The following SMURF2 variants were observed in gnomAD, a reference collection of about 807,000 sequenced individuals.
SMURF2 encodes the protein E3 ubiquitin-protein ligase SMURF2.
A neutral mutation model predicts 109.6 loss-of-function variants in SMURF2; 48 were observed. The observed-to-expected ratio is 0.44, with a 90% confidence interval of 0.35 to 0.56. The LOEUF (loss-of-function observed/expected upper bound fraction) is 0.56, where lower values mean the gene tolerates loss of function less well. Ranked by LOEUF, SMURF2 falls within the 20% of genes least tolerant of loss-of-function variation. The probability of loss-of-function intolerance (pLI) is 0.01; values close to 1 mark genes in which losing one functional copy is unlikely to be tolerated. For synonymous variants in SMURF2, 288 were observed against 317.1 expected, an observed-to-expected ratio of 0.91 and a Z score of 0.97; for missense variants, 575 against 909.0, an observed-to-expected ratio of 0.63 and a Z score of 4.72.
chr17:64,551,467 A>G, intron 16 of SMURF2, 117 bp downstream of exon 16: 3 of 1,163,164 alleles, frequency 2.6e-6, no homozygotes, highest in African/African-American at 1.5e-5. Context: ...ATTCTCAAGC[A>G]TAGAACCATG....
intron 12 of SMURF2, among the ~76,000 whole-genome samples, chr17:64,559,810 C>T (rs1268540355): frequency 2.0e-5 from 3 of 150,792 alleles, no homozygotes; most frequent in Non-Finnish European, 3.0e-5. Flanking sequence ...TGCAGTAGCA[C>T]GATCTCGGCT....
rs1555683918 is a variant in SMURF2 at position 64,554,966 on chromosome 17, G to A, written c.1638C>T (p.Asp546=). ...CATTATGTTCAACACAGAAGGTATG[G>A]TCCAAAACACCTGTAATATCATTCT... ...ILENDITGVL[D]HTFCVEHNAY... Residue 546 remains aspartate (D), a synonymous_variant, in exon 15 of 19, where the codon GAC becomes GAT. Coordinates refer to ENST00000262435, the MANE Select transcript of SMURF2 (RefSeq NM_022739.4). 3.1e-6 allele frequency: 5 copies of A among 1,613,426 alleles called. No homozygotes were observed. Among genetic ancestry groups the A allele is most frequent in the Non-Finnish European group, 4.2e-6 (5 of 1,179,750 alleles).
At chr17:64,642,728 C>T (rs1414389291) in intron 1 of SMURF2, among the ~76,000 whole-genome samples, 18 of 152,112 alleles carry the variant, frequency 1.2e-4, no homozygotes, top group Non-Finnish European at 1.5e-5. Context: ...GAGTCTATAG[C>T]TATAAAGAAG....
intron 1 of SMURF2, among the ~76,000 whole-genome samples, chr17:64,620,431 T>C (rs11867185): frequency 9.2e-5 from 14 of 152,326 alleles, no homozygotes; most frequent in African/African-American, 2.9e-4. Flanking sequence ...ACTCAAGCAG[T>C]GTCAATGATT....
At chr17:64,599,710 T>C (rs1969867183) in intron 2 of SMURF2, among the ~76,000 whole-genome samples, 1 of 152,208 alleles carries the variant, frequency 6.6e-6, no homozygotes, top group African/African-American at 2.4e-5. Context: ...TCTGATGATC[T>C]GAGATGGAAC....
intron 1 of SMURF2, among the ~76,000 whole-genome samples, chr17:64,612,451 T>C (rs1286973864): frequency 1.3e-5 from 2 of 151,530 alleles, no homozygotes; most frequent in Non-Finnish European, 2.9e-5. Flanking sequence ...GCAGATCACT[T>C]GAGGCCAGGA....
intron 1 of SMURF2, among the ~76,000 whole-genome samples, chr17:64,616,849 G>A (rs1410639712): frequency 6.6e-6 from 1 of 151,296 alleles, no homozygotes; most frequent in African/African-American, 2.4e-5. Flanking sequence ...CGGGCTGATG[G>A]TTTGAGCCTA....
intron 1 of SMURF2, among the ~76,000 whole-genome samples, chr17:64,628,675 G>A (rs1405729486): frequency 6.6e-6 from 1 of 152,100 alleles, no homozygotes; most frequent in Admixed American, 6.6e-5. Context: ...CTAACACTAA[G>A]ACAACCAATG....
rs1206493906 is a variant in SMURF2 at position 64,545,069 on chromosome 17, T to G, written c.*779A>C. The G allele has an allele frequency of 6.7e-6, 1 of 150,006 alleles. No individual in the cohort carries two copies. Among genetic ancestry groups the G allele is most frequent in the Non-Finnish European group, 1.5e-5 (1 of 67,116 alleles). The allele number at this position is 150,006 out of a possible 1,614,324, so 9.3% of individuals were successfully genotyped here. ...TTGACTCAAGATAAAAACATTAGGT[T>G]TTTTTTTTTTTAAAAGAGTCTCTTA... On this transcript the variant is annotated 3_prime_UTR_variant, in exon 19 of 19. Coordinates refer to ENST00000262435, the MANE Select transcript of SMURF2 (RefSeq NM_022739.4).
intron 1 of SMURF2, among the ~76,000 whole-genome samples, chr17:64,619,199 C>T (rs577871770): frequency 1.3e-5 from 2 of 152,128 alleles, no homozygotes; most frequent in South Asian, 4.2e-4. Context: ...AAGAACATGG[C>T]CGGGCACGGT....
chr17:64,564,853 T>C (rs1271248325), intron 10 of SMURF2, among the ~76,000 whole-genome samples: 1 of 152,164 alleles, frequency 6.6e-6, no homozygotes, highest in Non-Finnish European at 1.5e-5. Flanking sequence ...TTTTAAGCCA[T>C]CCAGTTCGTG....
chr17:64,551,525 A>G lies in SMURF2; in HGVS notation c.1869+59T>C, dbSNP rs1316331234. On this transcript the variant is annotated intron_variant, in intron 16 of 18. Transcript: ENST00000262435. Reference sequence around the variant, plus strand: ...ATGCTTTCCTCTAAAACTAAGTAACAAAATAATTCCCAATCCTTCCTTGTT... The same window carrying G: ...ATGCTTTCCTCTAAAACTAAGTAACGAAATAATTCCCAATCCTTCCTTGTT... 1.7e-5 allele frequency: 27 copies of G among 1,571,788 alleles called. 1 individual carries two copies. In the East Asian group the frequency reaches 6.1e-4, roughly 36 times the overall value.
At chr17:64,563,027 G>C in intron 10 of SMURF2, 61 bp from the exon 11 acceptor site, 4 of 1,365,632 alleles carry the variant, frequency 2.9e-6, no homozygotes, top group Non-Finnish European at 4.0e-6. Context: ...TGCAATTATA[G>C]ATTTAAAATA....
At chr17:64,622,516 C>T (rs573623290) in intron 1 of SMURF2, among the ~76,000 whole-genome samples, 1 of 152,024 alleles carries the variant, frequency 6.6e-6, no homozygotes, top group African/African-American at 2.4e-5. Flanking sequence ...TTATTTATGG[C>T]CTTGATGGTT....
At chr17:64,631,196 G>T (rs1214249560) in intron 1 of SMURF2, among the ~76,000 whole-genome samples, 2 of 143,498 alleles carry the variant, frequency 1.4e-5, no homozygotes, top group Non-Finnish European at 3.0e-5. Context: ...CAGCTACTCA[G>T]GTCAAAAAAA....
chr17:64,662,242 G>T lies in SMURF2; in HGVS notation c.-362C>A. ...CGGGGCTGGTCGGCTGAAGCGGGCG[G>T]TGCTCGGGGGCGCCGGAGCAGAACT... On this transcript the variant is annotated 5_prime_UTR_variant, in exon 1 of 19. Transcript: ENST00000262435. The T allele has an allele frequency of 4.1e-6, 4 of 983,348 alleles. No individual in the cohort carries two copies. Among genetic ancestry groups the T allele is most frequent in the Non-Finnish European group, 2.4e-6 (2 of 829,152 alleles). 60.9% of individuals were successfully genotyped at this position (983,348 alleles called of 1,614,324 possible). A position where few individuals can be genotyped will look rare whatever the true frequency, so the allele number is the denominator to read the frequency against.
rs140880608 is a variant in SMURF2 at position 64,593,492 on chromosome 17, G to A, written c.282C>T (p.Leu94=). Residue 94 remains leucine, a synonymous_variant, in exon 4 of 19, where the codon CTC becomes CTT. Transcript: ENST00000262435. ...CATTGGAAAGAAGACGAACACAACC[G>A]AGAAATCCAGCACCTTGTTTCTTAT... is the stretch of plus-strand genomic sequence containing the variant. ...KIHKKQGAGF[L]GCVRLLSNAI... 29 of 1,609,790 alleles carry A rather than the reference G, an allele frequency of 1.8e-5. No individual in the cohort carries two copies. The highest frequency in any genetic ancestry group is 2.2e-5 in the East Asian group (1 of 44,834).
intron 1 of SMURF2, among the ~76,000 whole-genome samples, chr17:64,640,296 A>T (rs899594900): frequency 6.6e-6 from 1 of 152,232 alleles, no homozygotes; most frequent in African/African-American, 2.4e-5. Flanking sequence ...ACTCTTTGAG[A>T]TAATACAACT....
intron 6 of SMURF2, among the ~76,000 whole-genome samples, chr17:64,585,386 A>G (rs1969638988): frequency 6.6e-6 from 1 of 152,166 alleles, no homozygotes; most frequent in Admixed American, 6.5e-5. Flanking sequence ...CTAAGCGCTT[A>G]TTTTATGCAA....
Sources: gnomAD v4.1 joint callset for allele counts (sites outside exome capture counted in the v4.1 genomes callset) on GRCh38, gnomAD v4.1.1 for gene constraint, MANE v1.5 for transcripts, NCBI Gene and HGNC (gene_info 2026-07-23, HGNC 2026-07-21) for gene names.